Variants in USP40 observed in about 807,000 individuals in gnomAD.
USP40 encodes ubiquitin carboxyl-terminal hydrolase 40.
A neutral mutation model predicts 166.2 loss-of-function variants in USP40; 143 were observed. The ratio of observed to expected loss-of-function variants is 0.86; its 90% confidence interval spans 0.75 to 0.99. The LOEUF (loss-of-function observed/expected upper bound fraction) is 0.99. Among genes scored for constraint, USP40 ranks in the 50% least tolerant of loss-of-function variants. USP40 has a pLI of 0.00. For missense variants in USP40, 1,444 were observed against 1,479.7 expected (o/e 0.98, Z 0.40); for synonymous variants, 498 against 524.0 (o/e 0.95, Z 0.68).
chr2:233,532,430 T>C (rs2068611261), intron 11 of USP40, among the ~76,000 whole-genome samples: 1 of 152,190 alleles, frequency 6.6e-6, no homozygotes, highest in South Asian at 2.1e-4. Context: ...GGGCTCCCAA[T>C]TCATTTACAT....
At chr2:233,537,872 T>C (rs2069049620) in intron 10 of USP40, among the ~76,000 whole-genome samples, 1 of 152,136 alleles carries the variant, frequency 6.6e-6, no homozygotes, top group South Asian at 2.1e-4. Flanking sequence ...TAACGAGCAG[T>C]AAACTCCAGA....
At chr2:233,541,574 G>T (rs1470865) in intron 9 of USP40, among the ~76,000 whole-genome samples, 117,826 of 152,174 alleles carry the variant, frequency 0.77, 45,755 homozygotes, top group East Asian at 0.87. Context: ...GCAGTCTGTG[G>T]CATTTTGTCA....
chr2:233,520,089 T>C (rs984701490), intron 17 of USP40, among the ~76,000 whole-genome samples: 1 of 152,170 alleles, frequency 6.6e-6, no homozygotes, highest in African/African-American at 2.4e-5. Context: ...TAAAAATGTA[T>C]ACTATCAGCC....
At chr2:233,511,122 A>G (rs1315696532) in intron 20 of USP40, among the ~76,000 whole-genome samples, 1 of 152,182 alleles carries the variant, frequency 6.6e-6, no homozygotes, top group Non-Finnish European at 1.5e-5. Flanking sequence ...TATCCTTATG[A>G]TTTCTGCACT....
In USP40 at chr2:233,523,242, C is replaced by T. The variant is rs530819920; in HGVS notation, c.2129G>A (p.Arg710Lys). ...GWTAIPKEDMRKTFREQGLRN... is the reference protein window; with the variant it reads ...GWTAIPKEDMKKTFREQGLRN... ...GAGCCCTTGCTCCCTGAACGTCTTCCTCATGTCTTCCTTGGGGATGGCCGT... is the reference window on the plus strand; with the variant it reads ...GAGCCCTTGCTCCCTGAACGTCTTCTTCATGTCTTCCTTGGGGATGGCCGT... Residue 710 changes from arginine to lysine, a missense_variant, in exon 16 of 32, where the codon AGG becomes AAG. Physicochemically the swap from Arg to Lys is conservative, Grantham distance 26. Coordinates refer to ENST00000678225, the MANE Select transcript of USP40 (RefSeq NM_001365479.2). The T allele has an allele frequency of 6.2e-7, 1 of 1,613,944 alleles. No homozygotes were observed. The highest frequency in any genetic ancestry group is 1.1e-5 in the South Asian group (1 of 91,084).
rs1416069990 is a variant in USP40, at chr2:233,480,720, G to A, written c.3599+483C>T. 6.6e-6 allele frequency among the ~76,000 whole-genome samples: 1 copy of A among 152,212 alleles called. No individual in the cohort carries two copies. Among genetic ancestry groups the A allele is most frequent in the Non-Finnish European group, 1.5e-5 (1 of 68,022 alleles). ...GCGGCCAGGGGTCAGGCAGTGTCCT[G>A]GAGGAAGTGGGGTAGCAGCCCTGAA... On this transcript the variant is annotated intron_variant, in intron 31 of 31. Coordinates refer to ENST00000678225, the MANE Select transcript of USP40 (RefSeq NM_001365479.2). The surrounding 1 kb of genome is among the most constrained non-coding windows in gnomAD (Gnocchi z 4.5).
At chr2:233,524,629 C>A (rs117087585) in intron 14 of USP40, 67 bp from the exon 15 acceptor site, 6 of 1,263,798 alleles carry the variant, frequency 4.7e-6, no homozygotes, top group Non-Finnish European at 6.5e-6. Flanking sequence ...AAAGAAAGAG[C>A]TGAGACAAAT....
At position 233,486,797 on chromosome 2, in the gene USP40, C is replaced by CA. The variant is rs2064976248; in HGVS notation, c.3198-821dup. Among the ~76,000 whole-genome samples the CA allele has an allele frequency of 6.6e-6, 1 of 152,200 alleles. No individual in the cohort carries two copies. The highest frequency in any genetic ancestry group is 2.1e-4 in the South Asian group (1 of 4,826). On this transcript the variant is annotated intron_variant, in intron 28 of 31. Coordinates refer to ENST00000678225, the MANE Select transcript of USP40 (RefSeq NM_001365479.2). The surrounding 1 kb of genome is among the most constrained non-coding windows in gnomAD (Gnocchi z 4.0). ...GTGCAGAGTGCAAGAGCAGAGGCTGCACAGCCCCATGTCCCCATGGGGGAG... is the reference window on the plus strand; with the variant it reads ...GTGCAGAGTGCAAGAGCAGAGGCTGCAACAGCCCCATGTCCCCATGGGGGAG...
In USP40 at chr2:233,501,255, G is replaced by T. The variant is rs115131042; in HGVS notation, c.2614-1340C>A. 4.4e-3 allele frequency among the ~76,000 whole-genome samples: 673 copies of T among 152,302 alleles called. 7 individuals are homozygous for T. The highest frequency in any genetic ancestry group is 0.015 in the African/African-American group (630 of 41,560). On this transcript the variant is annotated intron_variant, in intron 21 of 31. Coordinates refer to ENST00000678225, the MANE Select transcript of USP40 (RefSeq NM_001365479.2). ...AAAAGCCTTATTTCAGAAACAGCAA[G>T]AAGGCCAGTGTGGCTGAAGCACAGT...
chr2:233,490,160 CTTTTTTTTTTTTTTTT>C (rs545796570), intron 26 of USP40, among the ~76,000 whole-genome samples: 1 of 131,664 alleles, frequency 7.6e-6, no homozygotes, highest in Non-Finnish European at 1.6e-5. Flanking sequence ...TTCTTTTCTC[CTTTTTTTTTTTTTTTT>C]TTTTTGAGAC....
intron 30 of USP40, among the ~76,000 whole-genome samples, chr2:233,484,642 C>G (rs370313577): frequency 6.6e-6 from 1 of 151,902 alleles, no homozygotes; most frequent in African/African-American, 2.4e-5. Flanking sequence ...CTACCACACC[C>G]GGCTAATTTT....
At chr2:233,484,383 T>C (rs1274957047) in intron 30 of USP40, among the ~76,000 whole-genome samples, 1 of 152,220 alleles carries the variant, frequency 6.6e-6, no homozygotes, top group Non-Finnish European at 1.5e-5. Flanking sequence ...TATGTTTTTG[T>C]ATATTCTCCA....
chr2:233,524,809 A>AT (rs1399208593), intron 14 of USP40, among the ~76,000 whole-genome samples: 39 of 152,196 alleles, frequency 2.6e-4, no homozygotes, highest in African/African-American at 9.2e-4. Flanking sequence ...CTTGAGGCAC[A>AT]TGACATTGGA....
rs892994117 is a variant in USP40, at chr2:233,535,061, A to C, written c.1171-1282T>G. 1.4e-4 allele frequency among the ~76,000 whole-genome samples: 22 copies of C among 152,342 alleles called. 1 individual carries two copies. Among genetic ancestry groups the C allele is most frequent in the Non-Finnish European group, 2.5e-4 (17 of 68,036 alleles). On this transcript the variant is annotated intron_variant, in intron 10 of 31. Coordinates refer to ENST00000678225, the MANE Select transcript of USP40 (RefSeq NM_001365479.2). ...ACCTACCTACTACCCAGTTTGTAGC[A>C]GTGCATGATGGAACAGATTTCAAGA...
At chr2:233,517,949 T>C (rs2125194784) in intron 18 of USP40, among the ~76,000 whole-genome samples, 1 of 151,926 alleles carries the variant, frequency 6.6e-6, no homozygotes, top group East Asian at 1.9e-4. Flanking sequence ...ACACCGTATG[T>C]TCTCACTGAT....
At chr2:233,496,481 A>AC (rs761797035) in intron 24 of USP40, among the ~76,000 whole-genome samples, 29 of 152,360 alleles carry the variant, frequency 1.9e-4, no homozygotes, top group Admixed American at 2.6e-4. Context: ...GTAAAACATT[A>AC]CCTTGGATAT....
chr2:233,561,490 G>A (rs979994459), intron 3 of USP40, among the ~76,000 whole-genome samples: 2 of 149,128 alleles, frequency 1.3e-5, no homozygotes, highest in African/African-American at 5.0e-5. Context: ...TTTAATAAAT[G>A]GTGCTGGGAA....
intron 20 of USP40, among the ~76,000 whole-genome samples, chr2:233,511,418 AAGGTGTATCTT>A (rs2066826070): frequency 6.6e-6 from 1 of 152,214 alleles, no homozygotes; most frequent in African/African-American, 2.4e-5. Context: ...TGAGAAAAAG[AAGGTGTATCTT>A]AGAACTTAGG....
intron 3 of USP40, chr2:233,560,762 A>T: frequency 4.8e-6 from 2 of 417,570 alleles, no homozygotes; most frequent in Non-Finnish European, 8.5e-6. Flanking sequence ...TACTCAATTT[A>T]TTTCCAGAGT....
Sources: gnomAD v4.1 joint callset for allele counts (sites outside exome capture counted in the v4.1 genomes callset) on GRCh38, gnomAD v4.1.1 for gene constraint, Gnocchi (gnomAD v3.1) non-coding constraint, MANE v1.5 for transcripts, NCBI Gene and HGNC (gene_info 2026-07-23, HGNC 2026-07-21) for gene names.